GALNTL6: variants seen among roughly 807,000 people sequenced by gnomAD.
GALNTL6 encodes the protein polypeptide N-acetylgalactosaminyltransferase like 6.
A neutral mutation model predicts 73.7 loss-of-function variants in GALNTL6; 46 were observed. The ratio of observed to expected loss-of-function variants is 0.62; its 90% CI spans 0.49 to 0.80. The LOEUF (loss-of-function observed/expected upper bound fraction) is 0.80. GALNTL6 is among the 30% of genes least tolerant of loss of function. The pLI is 0.00. For synonymous variants in GALNTL6, 259 were observed against 263.7 expected (o/e 0.98, Z 0.17); for missense variants, 604 against 755.0 (o/e 0.80, Z 2.34).
At chr4:171,856,305 G>T (rs1006009223) in intron 2 of GALNTL6, among the ~76,000 whole-genome samples, 3 of 151,032 alleles carry the variant, frequency 2.0e-5, no homozygotes, top group African/African-American at 7.3e-5. Context: ...ATTAGAGACG[G>T]GGTTTTGCCA....
intron 8 of GALNTL6, among the ~76,000 whole-genome samples, chr4:172,893,667 C>T (rs1746171007): frequency 6.6e-6 from 1 of 152,218 alleles, no homozygotes; most frequent in Admixed American, 6.5e-5. Flanking sequence ...CCAAGCCCTG[C>T]TCTCTCCCAG....
At chr4:172,140,947 A>C (rs185029003) in intron 2 of GALNTL6, among the ~76,000 whole-genome samples, 130 of 152,172 alleles carry the variant, frequency 8.5e-4, no homozygotes, top group Admixed American at 1.7e-3. Flanking sequence ...GAAACCTAGC[A>C]ACCTCCTGTT....
intron 2 of GALNTL6, among the ~76,000 whole-genome samples, chr4:171,965,480 C>T (rs1393144946): frequency 6.6e-6 from 1 of 151,732 alleles, no homozygotes; most frequent in Non-Finnish European, 1.5e-5. Flanking sequence ...TACAGTGAAA[C>T]CCCGTCTCTA....
rs34855501 is a variant in GALNTL6 at position 171,968,148 on chromosome 4, A to AT, written c.138+153439dup. ...TTATTCTCAAGATTCTAACCTTTCC[A>AT]TTTTTTTTTAATGCCGGAATGCCCC... On this transcript the variant is annotated intron_variant, in intron 2 of 12. Coordinates refer to ENST00000506823, the MANE Select transcript of GALNTL6 (RefSeq NM_001034845.3). Among the ~76,000 whole-genome samples, 671 of 148,030 alleles carry AT rather than the reference A, an allele frequency of 4.5e-3. 3 individuals are homozygous for AT. Among genetic ancestry groups the AT allele is most frequent in the African/African-American group, 0.015 (623 of 40,518 alleles).
chr4:172,955,215 C>A lies in GALNTL6; in HGVS notation c.1371+2957C>A, dbSNP rs570240353. On this transcript the variant is annotated intron_variant, in intron 10 of 12. Coordinates refer to ENST00000506823, the MANE Select transcript of GALNTL6 (RefSeq NM_001034845.3). ...TGGCTAGGCTGGGCACGGTGGTTCA[C>A]GCCTGTAATCCCAGCACTTTGGGAG... is the stretch of plus-strand genomic sequence containing the variant. 2.0e-5 allele frequency among the ~76,000 whole-genome samples: 3 copies of A among 152,208 alleles called. No homozygotes were observed. In the East Asian group the frequency reaches 5.8e-4, roughly 29 times the overall value.
chr4:172,552,962 T>C (rs1222719393), intron 5 of GALNTL6, among the ~76,000 whole-genome samples: 1 of 151,762 alleles, frequency 6.6e-6, no homozygotes, highest in Admixed American at 6.6e-5. Flanking sequence ...TTAGATTAAA[T>C]ACACATCACC....
chr4:172,592,542 T>C (rs1240902864), intron 5 of GALNTL6, among the ~76,000 whole-genome samples: 1 of 152,164 alleles, frequency 6.6e-6, no homozygotes, highest in Non-Finnish European at 1.5e-5. Context: ...AACCTGAATG[T>C]TAGAGGGAAG....
intron 5 of GALNTL6, among the ~76,000 whole-genome samples, chr4:172,413,116 G>T (rs539388572): frequency 6.6e-6 from 1 of 152,154 alleles, no homozygotes; most frequent in African/African-American, 2.4e-5. Flanking sequence ...ATTCATAGCC[G>T]AGTCAAACTG....
At chr4:171,899,692 A>G (rs969368657) in intron 2 of GALNTL6, among the ~76,000 whole-genome samples, 6 of 152,208 alleles carry the variant, frequency 3.9e-5, no homozygotes, top group Non-Finnish European at 7.4e-5. Context: ...CTAAATTGGA[A>G]AACCCTATTG....
At chr4:171,909,423 A>G (rs1383514717) in intron 2 of GALNTL6, among the ~76,000 whole-genome samples, 1 of 152,176 alleles carries the variant, frequency 6.6e-6, no homozygotes, top group African/African-American at 2.4e-5. Flanking sequence ...TCACCTTGAA[A>G]TGTGATCTAT....
At chr4:172,047,813 A>G (rs547145101) in intron 2 of GALNTL6, among the ~76,000 whole-genome samples, 231 of 152,262 alleles carry the variant, frequency 1.5e-3, no homozygotes, top group Non-Finnish European at 2.6e-3. Context: ...TTCTACAGTC[A>G]TGAAAAGGTA....
chr4:172,675,769 G>A (rs2111217663), intron 5 of GALNTL6, among the ~76,000 whole-genome samples: 1 of 152,164 alleles, frequency 6.6e-6, no homozygotes, highest in Non-Finnish European at 1.5e-5. Flanking sequence ...CAAGACACCG[G>A]GCTCAGTATT....
intron 3 of GALNTL6, among the ~76,000 whole-genome samples, chr4:172,261,121 A>G (rs1455802318): frequency 6.6e-6 from 1 of 151,538 alleles, no homozygotes; most frequent in Admixed American, 6.6e-5. Context: ...CTTGCTTCAT[A>G]TAATGAATTA....
chr4:172,828,444 C>T (rs1195765379), intron 7 of GALNTL6, among the ~76,000 whole-genome samples: 1 of 152,076 alleles, frequency 6.6e-6, no homozygotes, highest in Non-Finnish European at 1.5e-5. Flanking sequence ...GCCCTGCTGT[C>T]AGGGAAGGAC....
At chr4:172,437,432 T>C (rs907268836) in intron 5 of GALNTL6, among the ~76,000 whole-genome samples, 4 of 151,964 alleles carry the variant, frequency 2.6e-5, no homozygotes, top group African/African-American at 9.7e-5. Flanking sequence ...TATTTTGGAG[T>C]GATAGGGACC....
chr4:172,004,275 A>G (rs1452604846), intron 2 of GALNTL6, among the ~76,000 whole-genome samples: 1 of 152,148 alleles, frequency 6.6e-6, no homozygotes, highest in Admixed American at 6.6e-5. Flanking sequence ...ATGGGTGAGA[A>G]GGGAGGGAAC....
At chr4:171,968,192 G>A (rs563247626) in intron 2 of GALNTL6, among the ~76,000 whole-genome samples, 15 of 151,874 alleles carry the variant, frequency 9.9e-5, no homozygotes, top group East Asian at 1.9e-4. Flanking sequence ...ATACTTCAGC[G>A]GCATCTGTAT....
intron 5 of GALNTL6, among the ~76,000 whole-genome samples, chr4:172,566,990 T>C (rs1269897325): frequency 6.6e-6 from 1 of 151,866 alleles, no homozygotes; most frequent in Non-Finnish European, 1.5e-5. Context: ...TGAAAAAGGC[T>C]TCAACAGCAC....
intron 2 of GALNTL6, among the ~76,000 whole-genome samples, chr4:171,967,849 G>T (rs1739435611): frequency 1.3e-5 from 2 of 151,742 alleles, no homozygotes; most frequent in Admixed American, 6.6e-5. Context: ...TTTTTTCCCG[G>T]CTTCTCATTC....
Sources: gnomAD v4.1 joint callset for allele counts (sites outside exome capture counted in the v4.1 genomes callset) on GRCh38, gnomAD v4.1.1 for gene constraint, MANE v1.5 for transcripts, NCBI Gene and HGNC (gene_info 2026-07-23, HGNC 2026-07-21) for gene names.